Variants in TTYH3 observed in about 807,000 individuals in gnomAD.
TTYH3 encodes tweety family member 3.
Under a neutral mutation model 68.2 loss-of-function variants are expected in TTYH3, and 23 were observed. The ratio of observed to expected loss-of-function variants is 0.34; its 90% CI spans 0.24 to 0.48. The LOEUF (loss-of-function observed/expected upper bound fraction) is 0.48. Ranked by LOEUF, TTYH3 falls within the 20% of genes least tolerant of loss-of-function variation. The pLI, the probability that TTYH3 is intolerant of heterozygous loss-of-function variation, is 0.99. For synonymous variants in TTYH3, 360 were observed against 332.8 expected (o/e 1.08, Z -0.89); for missense variants, 768 against 727.7 (o/e 1.06, Z -0.64).
chr7:2,632,301 G>T lies in TTYH3; in HGVS notation c.123+23G>T, dbSNP rs773604610. 1.9e-6 allele frequency: 3 copies of T among 1,542,174 alleles called. No individual in the cohort carries two copies. The East Asian group carries it at 7.2e-5, about 37-fold the overall frequency. ...CAGGTGACATGGGCCTCTCGGGGTC[G>T]CGGGGTCAGGGACCCCAGGTCACGG... On this transcript the variant is annotated intron_variant, in intron 1 of 13. Coordinates refer to ENST00000258796, the MANE Select transcript of TTYH3 (RefSeq NM_025250.3).
intron 1 of TTYH3, 58 bp from the exon 2 acceptor site, chr7:2,646,795 G>T (rs996371375): frequency 6.5e-7 from 1 of 1,527,118 alleles, no homozygotes; most frequent in Non-Finnish European, 8.8e-7. Context: ...CTGGGGCGGG[G>T]CGTGGGACTC....
rs774725856 is a variant in TTYH3 at position 2,656,204 on chromosome 7, A to T, written c.1113+20A>T. ...CATCTGGTGAGAGGCAGGGCCTGGG[A>T]CAGGGCCATGGCAGCTTGTAGGGTG... On this transcript the variant is annotated intron_variant, in intron 10 of 13. Transcript: ENST00000258796. The T allele has an allele frequency of 2.6e-6, 4 of 1,560,180 alleles. No individual in the cohort carries two copies. The South Asian group carries it at 4.7e-5, about 18-fold the overall frequency.
chr7:2,649,235 G>A (rs940991), intron 5 of TTYH3, among the ~76,000 whole-genome samples: 81,840 of 151,948 alleles, frequency 0.54, 22,226 homozygotes, highest in East Asian at 0.68. Flanking sequence ...CTACGTGGGC[G>A]GCGGGATGCG....
At chr7:2,647,789 C>T in intron 4 of TTYH3, 151 bp downstream of exon 4, 9 of 1,072,730 alleles carry the variant, frequency 8.4e-6, no homozygotes, top group Non-Finnish European at 1.2e-5. Context: ...CTGGAGTTCC[C>T]CTAATGGGAG....
At chr7:2,655,302 C>T (rs774490661) in intron 9 of TTYH3, among the ~76,000 whole-genome samples, 6 of 152,148 alleles carry the variant, frequency 3.9e-5, no homozygotes, top group Non-Finnish European at 5.9e-5. Flanking sequence ...CGTGCCACCA[C>T]GCCTGGCTAA....
Position 2,647,123 on chromosome 7 carries a change from ACG to A in TTYH3, c.294-18_294-17del. ...GTGTGGGTGGGCGGGGCTACATCTC[ACG>A]GGCCCGCCCTCTCCAGCGCCGGCAT... On this transcript the variant is annotated splice_polypyrimidine_tract_variant and intron_variant, in intron 2 of 13. Coordinates refer to ENST00000258796, the MANE Select transcript of TTYH3 (RefSeq NM_025250.3). 1.3e-6 allele frequency: 2 copies of A among 1,579,706 alleles called. No individual in the cohort carries two copies. The highest frequency in any genetic ancestry group is 2.7e-5 in the African/African-American group (2 of 74,290).
rs147863632 is a variant in TTYH3, at chr7:2,644,810, G to A, written c.124-2043G>A. On this transcript the variant is annotated intron_variant, in intron 1 of 13. Transcript: ENST00000258796. ...CTGGCTGGGTGGAGGTGGAAAGGCC[G>A]CCTTCGGGTGTGGACGTCGGCCGGC... Among the ~76,000 whole-genome samples the A allele has an allele frequency of 5.7e-3, 867 of 152,326 alleles. 10 individuals carry two copies. Among genetic ancestry groups the A allele is most frequent in the African/African-American group, 0.02 (825 of 41,578 alleles).
chr7:2,641,188 A>G (rs1785831634), intron 1 of TTYH3, among the ~76,000 whole-genome samples: 1 of 152,192 alleles, frequency 6.6e-6, no homozygotes, highest in South Asian at 2.1e-4. Context: ...CCCAGGGTAT[A>G]CTGGGATCCT....
chr7:2,656,460 C>T lies in TTYH3; in HGVS notation c.1176C>T (p.Ala392=), dbSNP rs1307817324. Residue 392 remains alanine, a synonymous_variant, in exon 11 of 14, where the codon GCC becomes GCT. Coordinates refer to ENST00000258796, the MANE Select transcript of TTYH3 (RefSeq NM_025250.3). ...GCGTGGAGGGCCTCATCTACCTGGC[C>T]CTCTTCTCCTTCGTCACAGCCCTCA... is the stretch of plus-strand genomic sequence containing the variant. ...YDGVEGLIYL[A]LFSFVTALMF... is the part of the protein sequence containing the mutation. 3 of 1,612,216 alleles carry T rather than the reference C, an allele frequency of 1.9e-6. No homozygotes were observed. The highest frequency in any genetic ancestry group is 2.2e-5 in the South Asian group (2 of 91,056).
rs1034119477 is a variant in TTYH3, at chr7:2,659,806, C to G, written c.1500+791C>G. 3 of 1,163,620 alleles carry G rather than the reference C, an allele frequency of 2.6e-6. No homozygotes were observed. In the African/African-American group the frequency reaches 4.8e-5, roughly 19 times the overall value. The allele number at this position is 1,163,620 out of a possible 1,614,324, so 72.1% of individuals were successfully genotyped here. ...GAGGTTCAGGCCACACAGGTGCAGG[C>G]CCAGTCCCGCTCGGCTGCCCTCGTC... On this transcript the variant is annotated intron_variant, in intron 13 of 13. Transcript: ENST00000258796.
intron 1 of TTYH3, among the ~76,000 whole-genome samples, chr7:2,633,005 G>A (rs911423334): frequency 1.3e-5 from 2 of 152,192 alleles, no homozygotes; most frequent in African/African-American, 2.4e-5. Context: ...AAGCGGCTGA[G>A]CCCAGGCAGA....
Position 2,658,476 on chromosome 7 carries a change from C to T in TTYH3, c.1424+17C>T. 2 of 1,595,362 alleles carry T rather than the reference C, an allele frequency of 1.3e-6. No individual in the cohort carries two copies. The highest frequency in any genetic ancestry group is 2.2e-5 in the South Asian group (2 of 90,208). On this transcript the variant is annotated intron_variant, in intron 12 of 13. Coordinates refer to ENST00000258796, the MANE Select transcript of TTYH3 (RefSeq NM_025250.3). ...TGAGTACATGTGAGTTGACGTGGGC[C>T]TAGTGGGGCCAGCGGACACGTCAGC... is the stretch of plus-strand genomic sequence containing the variant.
chr7:2,632,651 C>T (rs1785552582), intron 1 of TTYH3, among the ~76,000 whole-genome samples: 1 of 152,226 alleles, frequency 6.6e-6, no homozygotes, highest in Non-Finnish European at 1.5e-5. Context: ...TCTCCACCAT[C>T]ACTGTTGGCG....
chr7:2,646,519 G>A lies in TTYH3; in HGVS notation c.124-334G>A, dbSNP rs550273150. Among the ~76,000 whole-genome samples the A allele has an allele frequency of 3.2e-4, 49 of 152,348 alleles. No individual in the cohort carries two copies. In the East Asian group the frequency reaches 8.5e-3, roughly 26 times the overall value. On this transcript the variant is annotated intron_variant, in intron 1 of 13. Coordinates refer to ENST00000258796, the MANE Select transcript of TTYH3 (RefSeq NM_025250.3). ...CACCTGCCCTGGACTCTGGGGACCC[G>A]GTGGGGAGGGGACATGTGCCCTTGC...
In TTYH3 at chr7:2,661,822, G is replaced by A. The variant is rs1786506207; in HGVS notation, c.*83G>A. 1.7e-5 allele frequency: 25 copies of A among 1,450,046 alleles called. No individual in the cohort carries two copies. Among genetic ancestry groups the A allele is most frequent in the South Asian group, 1.1e-4 (9 of 82,628 alleles). 89.8% of individuals were successfully genotyped at this position (1,450,046 alleles called of 1,614,324 possible). On this transcript the variant is annotated 3_prime_UTR_variant, in exon 14 of 14. Transcript: ENST00000258796. The stretch of plus-strand genomic sequence containing the variant: ...GCCGCTTCCACCTGGGCCACCCACC[G>A]GACCCTCGCACGCCGTGCCAGGCCT...
rs1162080098 is a variant in TTYH3 at position 2,647,206 on chromosome 7, T to A, written c.358T>A (p.Tyr120Asn). Reference sequence around the variant, plus strand: ...CAGTGATGGCATCCATAGGGCCACCTACTCGCTCCGCCACGCCAACCGCAC... The same window carrying A: ...CAGTGATGGCATCCATAGGGCCACCAACTCGCTCCGCCACGCCAACCGCAC... ...ETSDGIHRAT[Y>N]SLRHANRTVA... Residue 120 changes from tyrosine (Y) to asparagine (N), a missense_variant, in exon 3 of 14, where the codon TAC becomes AAC. Physicochemically the swap from Tyr to Asn is moderately radical, Grantham distance 143 (BLOSUM62 -2). Transcript: ENST00000258796. 2 of 1,605,250 alleles carry A rather than the reference T, an allele frequency of 1.2e-6. No individual in the cohort carries two copies. The highest frequency in any genetic ancestry group is 1.7e-6 in the Non-Finnish European group (2 of 1,177,722).
intron 2 of TTYH3, 28 bp from the exon 3 acceptor site, chr7:2,647,114 C>A (rs1176797207): frequency 1.3e-6 from 2 of 1,571,200 alleles, no homozygotes; most frequent in Non-Finnish European, 1.7e-6. Flanking sequence ...GTGGGCGGGG[C>A]TACATCTCAC....
chr7:2,641,751 C>T (rs1350299278), intron 1 of TTYH3, among the ~76,000 whole-genome samples: 1 of 152,258 alleles, frequency 6.6e-6, no homozygotes, highest in East Asian at 1.9e-4. Flanking sequence ...AGACCGTCTG[C>T]TGGGAATCTG....
In TTYH3 at chr7:2,661,858, C is replaced by T. The variant is rs904639709; in HGVS notation, c.*119C>T. 26 of 1,112,928 alleles carry T rather than the reference C, an allele frequency of 2.3e-5. No homozygotes were observed. The highest frequency in any genetic ancestry group is 8.4e-5 in the South Asian group (6 of 71,430). 68.9% of individuals were successfully genotyped at this position (1,112,928 alleles called of 1,614,324 possible). A position where few individuals can be genotyped will look rare whatever the true frequency, so the allele number is the denominator to read the frequency against. ...CGCCGTGCCAGGCCTGCCCCAGACG[C>T]GTCTGCAGGCCGCTTGCCCTCCTGT... On this transcript the variant is annotated 3_prime_UTR_variant, in exon 14 of 14. Coordinates refer to ENST00000258796, the MANE Select transcript of TTYH3 (RefSeq NM_025250.3).
Sources: gnomAD v4.1 joint callset for allele counts (sites outside exome capture counted in the v4.1 genomes callset) on GRCh38, gnomAD v4.1.1 for gene constraint, MANE v1.5 for transcripts, NCBI Gene and HGNC (gene_info 2026-07-23, HGNC 2026-07-21) for gene names.